Variants in ALMS1 observed in about 807,000 individuals in gnomAD.
ALMS1 encodes ALMS1 centrosome and basal body associated protein.
A neutral mutation model predicts 352.2 loss-of-function variants in ALMS1; 271 were observed. That is an observed-to-expected ratio of 0.77 (90% confidence interval 0.70 to 0.85). The LOEUF (loss-of-function observed/expected upper bound fraction) is 0.85, where lower values mean the gene tolerates loss of function less well. Ranked by LOEUF, ALMS1 falls within the 40% of genes least tolerant of loss-of-function variation. The probability of loss-of-function intolerance (pLI) is 0.00; values close to 1 mark genes in which losing one functional copy is unlikely to be tolerated. For missense variants in ALMS1, 5,445 were observed against 4,870.7 expected (o/e 1.12, Z -3.51); for synonymous variants, 1,865 against 1,761.2 (o/e 1.06, Z -1.48).
intron 7 of ALMS1, among the ~76,000 whole-genome samples, chr2:73,432,846 T>A (rs890523181): frequency 6.6e-6 from 1 of 152,192 alleles, no homozygotes; most frequent in African/African-American, 2.4e-5. Context: ...GCATTCTACA[T>A]GGCAGTGTTT....
At position 73,490,808 on chromosome 2, in the gene ALMS1, C is replaced by T. The variant is rs777913623; in HGVS notation, c.8849C>T (p.Pro2950Leu). The change falls in exon 10 of 23, where the codon CCT (proline) becomes CTT (leucine). Residue 2950 changes from proline (P) to leucine (L), a missense_variant. Transcript: ENST00000613296. The stretch of plus-strand genomic sequence containing the variant: ...ATGAGAGAAAACCATTCTCCCCTTC[C>T]TCAAGGTCAGGATTCTATAGCTTCA... ...HQMRENHSPL[P>L]QGQDSIASDL... is the part of the protein sequence containing the mutation. 7 of 1,614,052 alleles carry T rather than the reference C, an allele frequency of 4.3e-6. No homozygotes were observed. The highest frequency in any genetic ancestry group is 5.1e-6 in the Non-Finnish European group (6 of 1,180,032).
At chr2:73,583,654 T>G (rs1480570887) in intron 16 of ALMS1, among the ~76,000 whole-genome samples, 1 of 152,238 alleles carries the variant, frequency 6.6e-6, no homozygotes, top group Non-Finnish European at 1.5e-5. Flanking sequence ...TTTGAGTTAA[T>G]TTTTGTACAT....
intron 11 of ALMS1, among the ~76,000 whole-genome samples, chr2:73,525,925 C>G (rs919119124): frequency 1.3e-5 from 2 of 152,092 alleles, no homozygotes; most frequent in African/African-American, 4.8e-5. Context: ...AGATTTAAGT[C>G]TTTAATCCAT....
chr2:73,529,251 C>G (rs985174382), intron 11 of ALMS1, among the ~76,000 whole-genome samples: 1 of 152,078 alleles, frequency 6.6e-6, no homozygotes, highest in Non-Finnish European at 1.5e-5. Flanking sequence ...ACCATGTTGG[C>G]CAAGCTGGTC....
intron 10 of ALMS1, among the ~76,000 whole-genome samples, chr2:73,506,472 G>A (rs77845073): frequency 1.3e-5 from 2 of 152,120 alleles, no homozygotes; most frequent in South Asian, 2.1e-4. Context: ...TTGAGCAGTG[G>A]TTTGTAGGTC....
chr2:73,526,487 C>G (rs1001608400), intron 11 of ALMS1, among the ~76,000 whole-genome samples: 2 of 151,922 alleles, frequency 1.3e-5, no homozygotes, highest in Non-Finnish European at 2.9e-5. Context: ...TTTATAGTTT[C>G]CTTTATAGAG....
In ALMS1 at chr2:73,450,169, G is replaced by A; in HGVS notation, c.3642G>A (p.Glu1214=). ...TGCCAGGTAGTCACATACCTGAAGA[G>A]GCACAGAAAGTTTCACCTGTTCTTG... ...QTLPGSHIPE[E]AQKVSPVLGP... The change falls in exon 8 of 23, where the codon GAG becomes GAA. Residue 1214 remains glutamate, a synonymous_variant. Transcript: ENST00000613296. 1 of 1,614,060 alleles carries A rather than the reference G, an allele frequency of 6.2e-7. No homozygotes were observed. Among genetic ancestry groups the A allele is most frequent in the East Asian group, 2.2e-5 (1 of 44,870 alleles).
In ALMS1 at chr2:73,475,473, A is replaced by G. The variant is rs77550789; in HGVS notation, c.7675-14161A>G. On this transcript the variant is annotated intron_variant, in intron 9 of 22. Transcript: ENST00000613296. Reference sequence around the variant, plus strand: ...GTTTTTTACCTATTTCTAACAACTAATGGTGTTGAACATCTTTTCATGTGC... The same window carrying G: ...GTTTTTTACCTATTTCTAACAACTAGTGGTGTTGAACATCTTTTCATGTGC... 8.5e-3 allele frequency among the ~76,000 whole-genome samples: 1,293 copies of G among 152,196 alleles called. 18 individuals carry two copies. Among genetic ancestry groups the G allele is most frequent in the African/African-American group, 0.03 (1,238 of 41,534 alleles).
rs1212388844 is a variant in ALMS1 at position 73,447,977 on chromosome 2, G to C, written c.1450G>C (p.Gly484Arg). Residue 484 changes from glycine (G) to arginine (R), a missense_variant, in exon 8 of 23, where the codon GGC (glycine) becomes CGC (arginine). Coordinates refer to ENST00000613296, the MANE Select transcript of ALMS1 (RefSeq NM_001378454.1). ...HLKAGDTSKG[G>R]IAKVTQSNLK... ...TTCTTTAGGAGACACTTCTAAAGGA[G>C]GCATAGCTAAAGTTACTCAATCCAA... 35 of 1,612,068 alleles carry C rather than the reference G, an allele frequency of 2.2e-5. No individual in the cohort carries two copies. Among genetic ancestry groups the C allele is most frequent in the Non-Finnish European group, 2.5e-5 (30 of 1,178,990 alleles).
intron 15 of ALMS1, among the ~76,000 whole-genome samples, chr2:73,565,654 C>T (rs1674786572): frequency 6.6e-6 from 1 of 152,160 alleles, no homozygotes; most frequent in South Asian, 2.1e-4. Context: ...AACACTGGCT[C>T]AGCCGGGTCA....
rs1245206639 is a variant in ALMS1 at position 73,598,072 on chromosome 2, C to CCT, written c.11548-1329_11548-1328insCT. On this transcript the variant is annotated intron_variant, in intron 16 of 22. Coordinates refer to ENST00000613296, the MANE Select transcript of ALMS1 (RefSeq NM_001378454.1). The stretch of plus-strand genomic sequence containing the variant: ...TTGTTGTCAAATGCAAGATGTACCA[C>CCT]TCAGTAAAGACATCTGTTTTGAAAT... Among the ~76,000 whole-genome samples, 55 of 152,338 alleles carry CCT rather than the reference C, an allele frequency of 3.6e-4. 1 individual carries two copies. The highest frequency in any genetic ancestry group is 1.3e-3 in the African/African-American group (54 of 41,570).
intron 16 of ALMS1, among the ~76,000 whole-genome samples, chr2:73,585,091 T>C (rs1473760204): frequency 6.6e-6 from 1 of 152,218 alleles, no homozygotes; most frequent in East Asian, 1.9e-4. Flanking sequence ...TAAACATGCA[T>C]GTGCAAGTAT....
At chr2:73,609,499 G>A (rs905963951) in intron 22 of ALMS1, 69 bp from the exon 23 acceptor site, 25 of 1,403,236 alleles carry the variant, frequency 1.8e-5, no homozygotes, top group Middle Eastern at 3.5e-4. Context: ...ATGGATGCAG[G>A]GAGGAGAGGC....
chr2:73,490,712 T>C lies in ALMS1; in HGVS notation c.8753T>C (p.Leu2918Pro), dbSNP rs772059648. Residue 2918 changes from leucine to proline, a missense_variant, in exon 10 of 23, where the codon CTT becomes CCT. Coordinates refer to ENST00000613296, the MANE Select transcript of ALMS1 (RefSeq NM_001378454.1). ...CATCAGGATTATGTAGCTCCAGACC[T>C]TCCTTCTTGCATTTTTCTTGAACAA... ...PQHQDYVAPD[L>P]PSCIFLEQRE... The C allele has an allele frequency of 6.2e-7, 1 of 1,614,170 alleles. No homozygotes were observed. Among genetic ancestry groups the C allele is most frequent in the Non-Finnish European group, 8.5e-7 (1 of 1,180,014 alleles).
chr2:73,456,487 T>C (rs1013438426), intron 9 of ALMS1, among the ~76,000 whole-genome samples: 3 of 152,196 alleles, frequency 2.0e-5, no homozygotes, highest in Non-Finnish European at 2.9e-5. Flanking sequence ...ATAATGCCTA[T>C]AAAATGCTTA....
At chr2:73,546,292 G>T (rs1674318225) in intron 12 of ALMS1, among the ~76,000 whole-genome samples, 1 of 152,100 alleles carries the variant, frequency 6.6e-6, no homozygotes, top group Admixed American at 6.6e-5. Context: ...GTTTAGTTGG[G>T]TTTTCTTTTA....
intron 16 of ALMS1, among the ~76,000 whole-genome samples, chr2:73,581,984 T>G (rs1215984549): frequency 2.0e-5 from 3 of 152,192 alleles, no homozygotes; most frequent in African/African-American, 7.2e-5. Context: ...CCTCGTGATC[T>G]GTCCGCCTTG....
intron 7 of ALMS1, among the ~76,000 whole-genome samples, chr2:73,432,895 G>C (rs1671530703): frequency 6.6e-6 from 1 of 152,170 alleles, no homozygotes; most frequent in South Asian, 2.1e-4. Context: ...GTTAGAATCT[G>C]TTTATTCCTT....
intron 18 of ALMS1, 138 bp downstream of exon 18, chr2:73,601,019 C>A: frequency 7.2e-7 from 1 of 1,393,122 alleles, no homozygotes; most frequent in Non-Finnish European, 9.8e-7. Flanking sequence ...TTTTCAGAGT[C>A]CAGCATGGCA....
Sources: gnomAD v4.1 joint callset for allele counts (sites outside exome capture counted in the v4.1 genomes callset) on GRCh38, gnomAD v4.1.1 for gene constraint, MANE v1.5 for transcripts, NCBI Gene and HGNC (gene_info 2026-07-23, HGNC 2026-07-21) for gene names.